The following MAGEB1 variants were observed in gnomAD, a reference collection of about 807,000 sequenced individuals.
MAGEB1 encodes the protein melanoma-associated antigen B1.
For synonymous variants in MAGEB1, 99 were observed against 105.7 expected (o/e 0.94, Z 0.39); for missense variants, 290 against 286.7 (o/e 1.01, Z -0.08).
Position 30,251,368 on chromosome X carries a change from T to A in MAGEB1, c.875T>A (p.Met292Lys). Residue 292 changes from methionine (M) to lysine (K), a missense_variant, in exon 2 of 2, where the codon ATG becomes AAG. Transcript: ENST00000397548. ...AAAGTCCTCGAGTTTTTGGCCAAGA[T>A]GAATGGTGCCACTCCCCGTGACTTC... ...KMKVLEFLAK[M>K]NGATPRDFPS... The A allele has an allele frequency of 8.3e-7, 1 of 1,211,555 alleles. No individual in the cohort carries two copies. Among genetic ancestry groups the A allele is most frequent in the Non-Finnish European group, 1.1e-6 (1 of 895,414 alleles).
chrX:30,251,728 A>T lies in MAGEB1; in HGVS notation c.*191A>T, dbSNP rs765468166. The T allele has an allele frequency of 7.5e-5, 30 of 402,056 alleles. No homozygotes were observed. Among genetic ancestry groups the T allele is most frequent in the Non-Finnish European group, 1.2e-4 (28 of 231,585 alleles). 33.1% of individuals were successfully genotyped at this position (402,056 alleles called of 1,213,427 possible). On this transcript the variant is annotated 3_prime_UTR_variant, in exon 2 of 2. Coordinates refer to ENST00000397548, the MANE Select transcript of MAGEB1 (RefSeq NM_177404.3). ...GAGTTGGGATCTATGTCTATGAGCG[A>T]CATGGATCACACATTTATTGGTGCT...
rs189720405 is a variant in MAGEB1, at chrX:30,251,624, C to G, written c.*87C>G. 57 of 725,380 alleles carry G rather than the reference C, an allele frequency of 7.9e-5. No individual in the cohort carries two copies. The East Asian group carries it at 1.8e-3, about 23-fold the overall frequency. 59.8% of individuals were successfully genotyped at this position (725,380 alleles called of 1,213,427 possible). On this transcript the variant is annotated 3_prime_UTR_variant, in exon 2 of 2. Coordinates refer to ENST00000397548, the MANE Select transcript of MAGEB1 (RefSeq NM_177404.3). Reference sequence around the variant, plus strand: ...GCAGCCAAGATATGGCTAGAGAGATCATCATATATATCTCCTTTGTGTTCC... The same window carrying G: ...GCAGCCAAGATATGGCTAGAGAGATGATCATATATATCTCCTTTGTGTTCC...
At chrX:30,246,711 A>G (rs771177319), upstream of MAGEB1, among the ~76,000 whole-genome samples, 2 of 112,368 alleles carry the variant, frequency 1.8e-5, no homozygotes, top group East Asian at 5.6e-4. Flanking sequence ...AGACAGAGCT[A>G]TCTACCTAAG....
At position 30,251,349 on chromosome X, in the gene MAGEB1, C is replaced by T. The variant is rs751410333; in HGVS notation, c.856C>T (p.Leu286Phe). The T allele has an allele frequency of 8.3e-7, 1 of 1,211,845 alleles. No homozygotes were observed. Among genetic ancestry groups the T allele is most frequent in the Non-Finnish European group, 1.1e-6 (1 of 895,519 alleles). ...TGCTGAAACCACCAAGATGAAAGTCCTCGAGTTTTTGGCCAAGATGAATGG... is the reference window on the plus strand; with the variant it reads ...TGCTGAAACCACCAAGATGAAAGTCTTCGAGTTTTTGGCCAAGATGAATGG... ...AYAETTKMKV[L>F]EFLAKMNGAT... Residue 286 changes from leucine (L) to phenylalanine (F), a missense_variant, in exon 2 of 2, where the codon CTC becomes TTC. Coordinates refer to ENST00000397548, the MANE Select transcript of MAGEB1 (RefSeq NM_177404.3).
At chrX:30,248,502 T>C (rs12557517) in intron 1 of MAGEB1, among the ~76,000 whole-genome samples, 25,343 of 111,387 alleles carry the variant, frequency 0.23, 2,748 homozygotes, top group Non-Finnish European at 0.33. Flanking sequence ...AGGTACATAA[T>C]GGCTTTGGTT....
upstream of MAGEB1, chrX:30,243,946 T>C (rs1458603961): frequency 8.0e-6 from 1 of 124,605 alleles, no homozygotes; most frequent in Non-Finnish European, 1.9e-5. Context: ...AGTGTTCTTT[T>C]TTTAAATTGT....
upstream of MAGEB1, among the ~76,000 whole-genome samples, chrX:30,246,643 A>G (rs1354366026): frequency 1.8e-5 from 2 of 112,012 alleles, no homozygotes; most frequent in Admixed American, 9.4e-5. Flanking sequence ...TTTAAGTGTT[A>G]AGAGGGGACT....
intron 1 of MAGEB1, among the ~76,000 whole-genome samples, 195 bp from the exon 2 acceptor site, chrX:30,250,239 G>C (rs761849699): frequency 1.8e-5 from 2 of 110,737 alleles, no homozygotes; most frequent in East Asian, 2.9e-4. Flanking sequence ...AATTGAGAGG[G>C]CCCTTGAACA....
At chrX:30,247,624 G>C (rs1569257938) in intron 1 of MAGEB1, among the ~76,000 whole-genome samples, 1 of 112,159 alleles carries the variant, frequency 8.9e-6, no homozygotes, top group East Asian at 2.8e-4. Flanking sequence ...GGGAGACGAA[G>C]GCTTTGGCCT....
At chrX:30,248,354 A>G (rs909456540) in intron 1 of MAGEB1, among the ~76,000 whole-genome samples, 7 of 111,870 alleles carry the variant, frequency 6.3e-5, no homozygotes, top group Non-Finnish European at 1.3e-4. Flanking sequence ...GTCAAGGTAC[A>G]ATTTCTTTAT....
At chrX:30,250,066 T>C (rs1178962251) in intron 1 of MAGEB1, among the ~76,000 whole-genome samples, 1 of 111,539 alleles carries the variant, frequency 9.0e-6, no homozygotes, top group African/African-American at 3.3e-5. Flanking sequence ...CATAGAACTG[T>C]CAGCACTGCC....
In MAGEB1 at chrX:30,251,395, C is replaced by T; in HGVS notation, c.902C>T (p.Pro301Leu). 1 of 1,211,660 alleles carries T rather than the reference C, an allele frequency of 8.3e-7. No homozygotes were observed. Among genetic ancestry groups the T allele is most frequent in the South Asian group, 1.8e-5 (1 of 56,932 alleles). ...KMNGATPRDF[P>L]SHYEEALRDE... The stretch of plus-strand genomic sequence containing the variant: ...AATGGTGCCACTCCCCGTGACTTCC[C>T]ATCCCATTATGAAGAGGCTTTGAGA... Residue 301 changes from proline (P) to leucine (L), a missense_variant, in exon 2 of 2, where the codon CCA becomes CTA. Coordinates refer to ENST00000397548, the MANE Select transcript of MAGEB1 (RefSeq NM_177404.3).
At position 30,250,651 on chromosome X, in the gene MAGEB1, C is replaced by G; in HGVS notation, c.158C>G (p.Pro53Arg). The change falls in exon 2 of 2, where the codon CCT (proline) becomes CGT (arginine). Residue 53 changes from proline to arginine, a missense_variant. Transcript: ENST00000397548. ...TTAGGGGATACTCCCACAAGCTCCC[C>G]TGCTGCTGGCATTCCCCAGAAGCCT... ...PVLGDTPTSS[P>R]AAGIPQKPQG... 8.3e-7 allele frequency: 1 copy of G among 1,211,318 alleles called. No homozygotes were observed. Among genetic ancestry groups the G allele is most frequent in the South Asian group, 1.8e-5 (1 of 56,710 alleles).
upstream of MAGEB1, among the ~76,000 whole-genome samples, chrX:30,245,197 A>T (rs189044602): frequency 8.1e-4 from 91 of 112,289 alleles, no homozygotes; most frequent in African/African-American, 2.8e-3. Context: ...AAAGTTATTT[A>T]GAGTTTCTTT....
rs1925471647 is a variant in MAGEB1 at position 30,250,423 on chromosome X, C to T, written c.-60-11C>T. 1.1e-6 allele frequency: 1 copy of T among 920,517 alleles called. No homozygotes were observed. The highest frequency in any genetic ancestry group is 1.5e-6 in the Non-Finnish European group (1 of 671,649). The allele number at this position is 920,517 out of a possible 1,213,427, so 75.9% of individuals were successfully genotyped here. ...GCAAGTACTCACAGGATCTCATTCT[C>T]TCTCCTTCAGGTGCCACATCTCCTG... On this transcript the variant is annotated splice_polypyrimidine_tract_variant and intron_variant, in intron 1 of 1. Transcript: ENST00000397548.
chrX:30,250,831 G>C lies in MAGEB1; in HGVS notation c.338G>C (p.Gly113Ala). 8.3e-7 allele frequency: 1 copy of C among 1,211,463 alleles called. No homozygotes were observed. Among genetic ancestry groups the C allele is most frequent in the Non-Finnish European group, 1.1e-6 (1 of 894,934 alleles). Residue 113 changes from glycine (G) to alanine (A), a missense_variant, in exon 2 of 2, where the codon GGA (glycine) becomes GCA (alanine). By Grantham distance (60) the Gly-to-Ala change is moderately conservative. Coordinates refer to ENST00000397548, the MANE Select transcript of MAGEB1 (RefSeq NM_177404.3). ...AAAGATCCTGTAGCCTGGGAGGCAG[G>C]AATGCTGATGCACTTCATTCTACGT... ...SVKDPVAWEA[G>A]MLMHFILRKY...
upstream of MAGEB1, among the ~76,000 whole-genome samples, chrX:30,245,566 C>G (rs1925279791): frequency 1.8e-5 from 2 of 112,049 alleles, no homozygotes; most frequent in African/African-American, 6.5e-5. Flanking sequence ...TCCTCCCAAA[C>G]TGAAGCTTAC....
At chrX:30,250,173 G>A (rs1047394817) in intron 1 of MAGEB1, among the ~76,000 whole-genome samples, 1 of 111,281 alleles carries the variant, frequency 9.0e-6, no homozygotes, top group African/African-American at 3.3e-5. Context: ...CTTCAGAGCA[G>A]CACAGGAAGG....
chrX:30,249,182 G>T (rs1341579410), intron 1 of MAGEB1, among the ~76,000 whole-genome samples: 1 of 111,649 alleles, frequency 9.0e-6, no homozygotes, highest in Non-Finnish European at 1.9e-5. Flanking sequence ...CTTGAGTGAA[G>T]ACTAAAGAGA....
Sources: gnomAD v4.1 joint callset for allele counts (sites outside exome capture counted in the v4.1 genomes callset) on GRCh38, gnomAD v4.1.1 for gene constraint, MANE v1.5 for transcripts, NCBI Gene and HGNC (gene_info 2026-07-23, HGNC 2026-07-21) for gene names.